The following SHISA9 variants were observed in gnomAD, a reference collection of about 807,000 sequenced individuals.
SHISA9 encodes shisa family member 9.
Under a neutral mutation model 38.0 loss-of-function variants are expected in SHISA9, and 13 were observed. The ratio of observed to expected loss-of-function variants is 0.34; its 90% CI spans 0.22 to 0.54. SHISA9 has a LOEUF of 0.54. SHISA9 is among the 20% of genes least tolerant of loss of function. The probability of loss-of-function intolerance (pLI) is 0.91; values close to 1 mark genes in which losing one functional copy is unlikely to be tolerated. For missense variants in SHISA9, 538 were observed against 575.8 expected, an observed-to-expected ratio of 0.93 and a Z score of 0.67; for synonymous variants, 275 against 242.0, an observed-to-expected ratio of 1.14 and a Z score of -1.27.
intron 2 of SHISA9, among the ~76,000 whole-genome samples, chr16:13,163,520 CTGAT>C (rs1405844746): frequency 3.3e-5 from 5 of 151,790 alleles, no homozygotes; most frequent in Non-Finnish European, 1.5e-5. Flanking sequence ...CCTTTTTTCT[CTGAT>C]TGTTTTTATT....
At chr16:12,910,537 C>T in intron 1 of SHISA9, 1 of 985,404 alleles carries the variant, frequency 1.0e-6, no homozygotes, top group Non-Finnish European at 1.2e-6. Context: ...TAAGAAAGTA[C>T]TGGTTCTAGT....
the SHISA9 span, among the ~76,000 whole-genome samples, chr16:13,546,381 G>A: frequency 2.0e-5 from 3 of 152,142 alleles, no homozygotes; most frequent in Admixed American, 2.0e-4. Context: ...ATTCCCATTA[G>A]CATTTCTTGG....
the SHISA9 span, among the ~76,000 whole-genome samples, chr16:13,404,647 G>A: frequency 6.6e-6 from 1 of 152,272 alleles, no homozygotes; most frequent in African/African-American, 2.4e-5. Context: ...ATCCTTGTGA[G>A]CTATGCTAGG....
intron 2 of SHISA9, among the ~76,000 whole-genome samples, chr16:13,125,414 G>C (rs922642428): frequency 6.6e-6 from 1 of 152,174 alleles, no homozygotes; most frequent in Non-Finnish European, 1.5e-5. Flanking sequence ...TATTAGCAGT[G>C]TGTCTTTGGG....
At chr16:13,562,330 A>G in the SHISA9 span, among the ~76,000 whole-genome samples, 2 of 152,100 alleles carry the variant, frequency 1.3e-5, no homozygotes, top group East Asian at 1.9e-4. Context: ...AGTATGGACT[A>G]AAAAATGATT....
chr16:13,274,338 T>C, the SHISA9 span, among the ~76,000 whole-genome samples: 1 of 152,192 alleles, frequency 6.6e-6, no homozygotes, highest in African/African-American at 2.4e-5. Flanking sequence ...ACAAGATTGT[T>C]CTGCTTTAGC....
At chr16:13,437,026 T>C in the SHISA9 span, among the ~76,000 whole-genome samples, 1 of 152,150 alleles carries the variant, frequency 6.6e-6, no homozygotes, top group African/African-American at 2.4e-5. Flanking sequence ...CTCATTTTCA[T>C]GAGAAAAGCA....
chr16:13,526,409 A>G, the SHISA9 span, among the ~76,000 whole-genome samples: 14 of 152,044 alleles, frequency 9.2e-5, no homozygotes, highest in African/African-American at 2.7e-4. Context: ...TTTGGGACAG[A>G]GTCTTGCTCT....
At chr16:13,454,980 T>G in the SHISA9 span, among the ~76,000 whole-genome samples, 728 of 151,682 alleles carry the variant, frequency 4.8e-3, 5 homozygotes, top group African/African-American at 0.017. Flanking sequence ...CCAATCTCAC[T>G]ATTGCAATCA....
chr16:13,228,245 A>T (rs754981308), intron 4 of SHISA9, among the ~76,000 whole-genome samples: 4 of 152,180 alleles, frequency 2.6e-5, no homozygotes, highest in Admixed American at 2.6e-4. Context: ...CTCAGGGAGT[A>T]CCCAATACCA....
intron 2 of SHISA9, among the ~76,000 whole-genome samples, chr16:12,944,418 G>A (rs1376575500): frequency 6.6e-6 from 1 of 152,184 alleles, no homozygotes; most frequent in Non-Finnish European, 1.5e-5. Context: ...GCTAGCATCT[G>A]GCATTGTTAC....
intron 2 of SHISA9, among the ~76,000 whole-genome samples, chr16:13,185,496 G>A (rs1001028326): frequency 6.6e-6 from 1 of 152,180 alleles, no homozygotes; most frequent in African/African-American, 2.4e-5. Context: ...GGACTGCCAA[G>A]CCTGGGCCAT....
At chr16:13,375,215 CT>C in the SHISA9 span, among the ~76,000 whole-genome samples, 1 of 152,144 alleles carries the variant, frequency 6.6e-6, no homozygotes, top group Non-Finnish European at 1.5e-5. Context: ...GTTGCCATTG[CT>C]TTTGGTGTTT....
At chr16:13,470,181 G>A in the SHISA9 span, among the ~76,000 whole-genome samples, 1 of 152,154 alleles carries the variant, frequency 6.6e-6, no homozygotes, top group Admixed American at 6.5e-5. Context: ...AAGAAAATAA[G>A]AGAAGTTATA....
At chr16:13,483,492 T>C in the SHISA9 span, among the ~76,000 whole-genome samples, 5 of 152,196 alleles carry the variant, frequency 3.3e-5, no homozygotes, top group East Asian at 3.9e-4. Context: ...TTTTGATATA[T>C]ATATTTTACT....
the SHISA9 span, among the ~76,000 whole-genome samples, chr16:13,476,434 C>T: frequency 6.6e-6 from 1 of 152,190 alleles, no homozygotes; most frequent in Non-Finnish European, 1.5e-5. Flanking sequence ...TCTTCCTTAG[C>T]AATAACCATT....
chr16:12,964,290 C>T (rs2071949855), intron 2 of SHISA9, among the ~76,000 whole-genome samples: 1 of 151,982 alleles, frequency 6.6e-6, no homozygotes. Context: ...CATTGCCTGA[C>T]CAAATGAAAA....
intron 4 of SHISA9, among the ~76,000 whole-genome samples, chr16:13,221,119 T>C (rs1873536156): frequency 6.6e-6 from 1 of 152,184 alleles, no homozygotes; most frequent in South Asian, 2.1e-4. Context: ...GACGCCTTTT[T>C]CCGGTTTTCT....
chr16:13,533,433 C>T, the SHISA9 span, among the ~76,000 whole-genome samples: 1 of 152,158 alleles, frequency 6.6e-6, no homozygotes, highest in Admixed American at 6.5e-5. Context: ...CTGCTGTTTT[C>T]CCTAGAAAGT....
Sources: allele counts gnomAD v4.1 joint callset (sites outside exome capture counted in the v4.1 genomes callset), GRCh38; gene constraint gnomAD v4.1.1; transcripts MANE v1.5; gene names NCBI Gene and HGNC (gene_info 2026-07-23, HGNC 2026-07-21).